The following DACH1 variants were observed in gnomAD, a reference collection of about 807,000 sequenced individuals.
The protein encoded by DACH1 is dachshund homolog 1.
A neutral mutation model predicts 54.2 loss-of-function variants in DACH1; 12 were observed. The ratio of observed to expected loss-of-function variants is 0.22; its 90% CI spans 0.14 to 0.36. The LOEUF (loss-of-function observed/expected upper bound fraction) is 0.36, where lower values mean the gene tolerates loss of function less well. Ranked by LOEUF, DACH1 falls within the 10% of genes least tolerant of loss-of-function variation. The pLI is 1.00. For synonymous variants in DACH1, 386 were observed against 366.2 expected (o/e 1.05, Z -0.62); for missense variants, 805 against 929.8 (o/e 0.87, Z 1.75).
chr13:71,866,706 TG>T lies in DACH1; in HGVS notation c.63del (p.Thr22ArgfsTer172). 1.4e-6 allele frequency: 2 copies of T among 1,447,510 alleles called. No individual in the cohort carries two copies. The highest frequency in any genetic ancestry group is 1.8e-6 in the Non-Finnish European group (2 of 1,093,214). 89.7% of individuals were successfully genotyped at this position (1,447,510 alleles called of 1,614,324 possible). A position where few individuals can be genotyped will look rare whatever the true frequency, so the allele number is the denominator to read the frequency against. ...GTGGTGCCAGAGGAGGAAGCAGACGTGGAGATTGGGGGTTGAGGGGGGACCA... is the reference window on the plus strand; with the variant it reads ...GTGGTGCCAGAGGAGGAAGCAGACGTGAGATTGGGGGTTGAGGGGGGACCA... ...TQLVPPQPPI[S>X]TSASSSGTTT... On this transcript the variant is annotated frameshift_variant, in exon 1 of 11. Coordinates refer to ENST00000613252, the MANE Select transcript of DACH1 (RefSeq NM_080759.6). LOFTEE classifies it high-confidence loss of function.
intron 1 of DACH1, among the ~76,000 whole-genome samples, chr13:71,809,517 T>G (rs1173883945): frequency 6.6e-6 from 1 of 152,160 alleles, no homozygotes; most frequent in Non-Finnish European, 1.5e-5. Context: ...GAAATTAAGT[T>G]GAAAATGGTG....
intron 10 of DACH1, among the ~76,000 whole-genome samples, chr13:71,460,202 G>A (rs944141933): frequency 1.3e-5 from 2 of 151,954 alleles, no homozygotes; most frequent in Non-Finnish European, 2.9e-5. Context: ...TGGCTTACCA[G>A]AAACAGAAAA....
intron 3 of DACH1, among the ~76,000 whole-genome samples, chr13:71,577,241 T>A (rs1427153198): frequency 6.6e-6 from 1 of 152,074 alleles, no homozygotes. Context: ...CAACCCCTGC[T>A]CCCAATCAGC....
At chr13:71,619,263 G>A (rs1876023550) in intron 3 of DACH1, among the ~76,000 whole-genome samples, 1 of 151,890 alleles carries the variant, frequency 6.6e-6, no homozygotes, top group Non-Finnish European at 1.5e-5. Flanking sequence ...TCATGTATGT[G>A]TAACAAACAC....
At chr13:71,847,995 T>A (rs1251333113) in intron 1 of DACH1, among the ~76,000 whole-genome samples, 1 of 152,172 alleles carries the variant, frequency 6.6e-6, no homozygotes, top group Non-Finnish European at 1.5e-5. Flanking sequence ...TGGTCATATC[T>A]CTCAAAATCA....
chr13:71,722,881 A>T (rs1883294570), intron 1 of DACH1, among the ~76,000 whole-genome samples: 1 of 152,018 alleles, frequency 6.6e-6, no homozygotes, highest in African/African-American at 2.4e-5. Flanking sequence ...AGCTAAAGAG[A>T]GGAGGAGGAT....
chr13:71,834,855 C>A lies in DACH1; in HGVS notation c.848+31067G>T, dbSNP rs117750004. Reference sequence around the variant, plus strand: ...TAATTTTTGGAAGCTGAATAGATACCCACATATTTGTCGGCATTCTGAAAA... The same window carrying A: ...TAATTTTTGGAAGCTGAATAGATACACACATATTTGTCGGCATTCTGAAAA... On this transcript the variant is annotated intron_variant, in intron 1 of 10. Coordinates refer to ENST00000613252, the MANE Select transcript of DACH1 (RefSeq NM_080759.6). Among the ~76,000 whole-genome samples, 502 of 152,074 alleles carry A rather than the reference C, an allele frequency of 3.3e-3. 13 individuals are homozygous for A. In the East Asian group the frequency reaches 0.084, roughly 25 times the overall value.
chr13:71,865,558 T>A (rs1198453794), intron 1 of DACH1, among the ~76,000 whole-genome samples: 1 of 151,552 alleles, frequency 6.6e-6, no homozygotes, highest in Non-Finnish European at 1.5e-5. Flanking sequence ...CTGAGAGGGG[T>A]CTCCAGGCGC....
chr13:71,843,564 C>T (rs1873025822), intron 1 of DACH1, among the ~76,000 whole-genome samples: 1 of 152,184 alleles, frequency 6.6e-6, no homozygotes, highest in African/African-American at 2.4e-5. Flanking sequence ...TGTGCCCAAT[C>T]ATGAATGTTA....
chr13:71,806,788 T>C (rs1410466825), intron 1 of DACH1, among the ~76,000 whole-genome samples: 3 of 152,194 alleles, frequency 2.0e-5, no homozygotes, highest in Non-Finnish European at 4.4e-5. Flanking sequence ...CTCTATGTAG[T>C]CTAAGATCTC....
intron 1 of DACH1, among the ~76,000 whole-genome samples, chr13:71,780,321 T>G (rs1428529501): frequency 6.6e-6 from 1 of 152,164 alleles, no homozygotes; most frequent in Non-Finnish European, 1.5e-5. Context: ...ATATTAACAT[T>G]TTTATGTGAT....
intron 1 of DACH1, among the ~76,000 whole-genome samples, chr13:71,691,837 A>G (rs1881491683): frequency 6.6e-6 from 1 of 152,188 alleles, no homozygotes; most frequent in South Asian, 2.1e-4. Flanking sequence ...ATACATAGAG[A>G]ATTACACTAA....
At chr13:71,769,029 T>C (rs1213019497) in intron 1 of DACH1, among the ~76,000 whole-genome samples, 1 of 151,820 alleles carries the variant, frequency 6.6e-6, no homozygotes, top group African/African-American at 2.4e-5. Context: ...ACATAGCAGT[T>C]CTCTCAGATT....
intron 1 of DACH1, among the ~76,000 whole-genome samples, chr13:71,709,002 G>A (rs190901520): frequency 6.6e-6 from 1 of 151,624 alleles, no homozygotes; most frequent in Non-Finnish European, 1.5e-5. Flanking sequence ...ACAGGCGCCC[G>A]CCACCATGCC....
At chr13:71,670,460 T>C (rs1296006516) in intron 2 of DACH1, among the ~76,000 whole-genome samples, 1 of 152,122 alleles carries the variant, frequency 6.6e-6, no homozygotes, top group Non-Finnish European at 1.5e-5. Flanking sequence ...AGCAATGACA[T>C]TTTATATCCC....
At chr13:71,450,382 G>T (rs1269406154) in intron 10 of DACH1, among the ~76,000 whole-genome samples, 1 of 151,748 alleles carries the variant, frequency 6.6e-6, no homozygotes, top group Non-Finnish European at 1.5e-5. Context: ...ACTGTTTTGG[G>T]GGTTCCACGA....
Position 71,456,948 on chromosome 13 carries a change from A to G in DACH1, c.2084-16256T>C, listed in dbSNP as rs1875619346. Among the ~76,000 whole-genome samples the G allele has an allele frequency of 2.6e-5, 4 of 152,150 alleles. 1 individual carries two copies. The Middle Eastern group carries it at 0.01, about 388-fold the overall frequency. ...GACTCTATTACCAAATGCATTTTAT[A>G]TAAGAGATCATGATGTTCCTAAAGC... On this transcript the variant is annotated intron_variant, in intron 10 of 10. Coordinates refer to ENST00000613252, the MANE Select transcript of DACH1 (RefSeq NM_080759.6).
At chr13:71,475,671 G>A (rs564746620) in intron 9 of DACH1, 35 bp downstream of exon 9, 1 of 1,580,336 alleles carries the variant, frequency 6.3e-7, no homozygotes, top group Admixed American at 1.9e-5. Flanking sequence ...CATTAAAAAT[G>A]ACAGTTATTC....
Position 71,440,610 on chromosome 13 carries a change from T to C in DACH1, c.*45A>G. ...AACTTTCCCATGACGAATGTCTGAC[T>C]GCAAAGTTCTTTTCTATAACATGGA... On this transcript the variant is annotated 3_prime_UTR_variant, in exon 11 of 11. Transcript: ENST00000613252. 3.3e-6 allele frequency: 5 copies of C among 1,514,878 alleles called. No homozygotes were observed. Among genetic ancestry groups the C allele is most frequent in the Non-Finnish European group, 4.5e-6 (5 of 1,110,420 alleles). 93.8% of individuals were successfully genotyped at this position (1,514,878 alleles called of 1,614,324 possible). A position where few individuals can be genotyped will look rare whatever the true frequency, so the allele number is the denominator to read the frequency against.
Sources: allele counts gnomAD v4.1 joint callset (sites outside exome capture counted in the v4.1 genomes callset), GRCh38; gene constraint gnomAD v4.1.1; transcripts MANE v1.5; gene names NCBI Gene and HGNC (gene_info 2026-07-23, HGNC 2026-07-21).